The following FAM186A variants were observed in gnomAD, a reference collection of about 807,000 sequenced individuals.
The protein encoded by FAM186A is family with sequence similarity 186 member A.
Under a neutral mutation model 216.8 loss-of-function variants are expected in FAM186A, and 163 were observed. The observed-to-expected ratio is 0.75, with a 90% CI of 0.66 to 0.86. The LOEUF (loss-of-function observed/expected upper bound fraction) is 0.86, where lower values mean the gene tolerates loss of function less well. FAM186A is among the 40% of genes least tolerant of loss of function. The probability of loss-of-function intolerance (pLI) is 0.00; values close to 1 mark genes in which losing one functional copy is unlikely to be tolerated. For missense variants in FAM186A, 2,184 were observed against 2,746.2 expected (o/e 0.80, Z 4.58); for synonymous variants, 805 against 1,025.3 (o/e 0.79, Z 4.10).
At chr12:50,328,809 C>T (rs574133553) in intron 7 of FAM186A, among the ~76,000 whole-genome samples, 66 of 152,222 alleles carry the variant, frequency 4.3e-4, no homozygotes, top group Non-Finnish European at 8.7e-4. Flanking sequence ...CTCCTGGCCT[C>T]GAAGTAGGTT....
At chr12:50,389,494 C>T (rs1406756050) in intron 1 of FAM186A, among the ~76,000 whole-genome samples, 1 of 152,108 alleles carries the variant, frequency 6.6e-6, no homozygotes, top group African/African-American at 2.4e-5. Flanking sequence ...GAGCAAAACT[C>T]CATCTCAAAA....
rs549669714 is a variant in FAM186A at position 50,392,650 on chromosome 12, G to A, written c.192+3643C>T. 486 of 149,910 alleles carry A rather than the reference G, an allele frequency of 3.2e-3. 2 individuals carry two copies. The highest frequency in any genetic ancestry group is 5.3e-3 in the Non-Finnish European group (360 of 67,822). 9.3% of individuals were successfully genotyped at this position (149,910 alleles called of 1,614,324 possible). A position where few individuals can be genotyped will look rare whatever the true frequency, so the allele number is the denominator to read the frequency against. The stretch of plus-strand genomic sequence containing the variant: ...AGTCTCGCTCTATTCCCAGGCTGGA[G>A]TGCAATGGCGCTGTCTTGACTCACT... On this transcript the variant is annotated intron_variant, in intron 1 of 7. Coordinates refer to ENST00000327337, the MANE Select transcript of FAM186A (RefSeq NM_001145475.3).
intron 2 of FAM186A, 77 bp from the exon 3 acceptor site, chr12:50,361,003 G>A (rs1943029277): frequency 8.9e-7 from 1 of 1,120,342 alleles, no homozygotes; most frequent in Non-Finnish European, 1.2e-6. Flanking sequence ...ATAATATTGG[G>A]TAACTACTCA....
At chr12:50,364,207 G>GA (rs376958198) in intron 1 of FAM186A, among the ~76,000 whole-genome samples, 1,699 of 149,408 alleles carry the variant, frequency 0.011, 29 homozygotes, top group African/African-American at 0.038. Context: ...ATTCATGTAG[G>GA]AAAAAAAAAA....
Position 50,354,689 on chromosome 12 carries a change from T to A in FAM186A, c.2143A>T (p.Lys715Ter). 2 of 1,549,176 alleles carry A rather than the reference T, an allele frequency of 1.3e-6. No homozygotes were observed. Among genetic ancestry groups the A allele is most frequent in the Non-Finnish European group, 1.7e-6 (2 of 1,146,574 alleles). Residue 715 changes from lysine (K) to a stop codon, truncating the protein, a stop_gained, in exon 4 of 8, where the codon AAG becomes TAG. Coordinates refer to ENST00000327337, the MANE Select transcript of FAM186A (RefSeq NM_001145475.3). LOFTEE classifies it high-confidence loss of function. ...TGGAAATATTCCTCCATTTTTGCCT[T>A]TATGATTCCTAATTTTTCAGCTTCT... ...RAEAEKLGII[K>*]AKMEEYFQKV...
rs188636861 is a variant in FAM186A, at chr12:50,372,231, A to G, written c.193-8867T>C. On this transcript the variant is annotated intron_variant, in intron 1 of 7. Coordinates refer to ENST00000327337, the MANE Select transcript of FAM186A (RefSeq NM_001145475.3). ...CTAACTTAAGTCAAGAACACAGGAG[A>G]CGGGAGACAAAGTTGGCCAAGCCAA... 3.5e-3 allele frequency among the ~76,000 whole-genome samples: 532 copies of G among 152,284 alleles called. 7 individuals carry two copies. Among genetic ancestry groups the G allele is most frequent in the Admixed American group, 0.032 (494 of 15,276 alleles).
Position 50,350,430 on chromosome 12 carries a change from T to C in FAM186A, c.6402A>G (p.Thr2134=), listed in dbSNP as rs1942863648. Residue 2134 remains threonine (T), a synonymous_variant, in exon 4 of 8, where the codon ACA becomes ACG. Transcript: ENST00000327337. ...KTCGLPSQLH[T]MARTLIIEIL... ...TCTCAATTATGAGAGTCCTAGCCAT[T>C]GTGTGTAGCTGTGAAGGGAGTCCAC... The C allele has an allele frequency of 6.4e-7, 1 of 1,551,438 alleles. No homozygotes were observed.
rs577439690 is a variant in FAM186A at position 50,390,658 on chromosome 12, G to A, written c.192+5635C>T. The stretch of plus-strand genomic sequence containing the variant: ...GGGTGCCACTACTGGGTCCCAGTTA[G>A]GTTTACAAATTCAGTGACTACAGTT... On this transcript the variant is annotated intron_variant, in intron 1 of 7. Coordinates refer to ENST00000327337, the MANE Select transcript of FAM186A (RefSeq NM_001145475.3). Among the ~76,000 whole-genome samples the A allele has an allele frequency of 1.2e-4, 19 of 152,208 alleles. No individual in the cohort carries two copies. The East Asian group carries it at 3.7e-3, about 29-fold the overall frequency.
Position 50,350,701 on chromosome 12 carries a change from G to T in FAM186A, c.6131C>A (p.Thr2044Lys), listed in dbSNP as rs375981318. ...AGTAGTGAGAGAAGATGGTGATGTT[G>T]TTGGCTTCATGAGAGTGAGAAGGGC... is the stretch of plus-strand genomic sequence containing the variant. The part of the protein sequence containing the change: ...ERALLTLMKP[T>K]TSPSSLTTLL... Residue 2044 changes from threonine (T) to lysine (K), a missense_variant, in exon 4 of 8, where the codon ACA (threonine) becomes AAA (lysine). Transcript: ENST00000327337. 2.6e-6 allele frequency: 4 copies of T among 1,551,548 alleles called. No homozygotes were observed. Among genetic ancestry groups the T allele is most frequent in the Non-Finnish European group, 3.5e-6 (4 of 1,146,984 alleles).
At position 50,378,589 on chromosome 12, in the gene FAM186A, G is replaced by GTATA. The variant is rs375076195; in HGVS notation, c.193-15229_193-15226dup. Among the ~76,000 whole-genome samples, 248 of 39,262 alleles carry GTATA rather than the reference G, an allele frequency of 6.3e-3. 2 individuals are homozygous for GTATA. Among genetic ancestry groups the GTATA allele is most frequent in the African/African-American group, 9.3e-3 (228 of 24,438 alleles). The allele number at this position is 39,262 out of a possible 152,430, so 25.8% of individuals were successfully genotyped here. ...ATATATATATACACATATGTAAATTGTATATATATATATACACATATGTAA... is the reference window on the plus strand; with the variant it reads ...ATATATATATACACATATGTAAATTGTATATATATATATATATACACATATGTAA... On this transcript the variant is annotated intron_variant, in intron 1 of 7. Transcript: ENST00000327337.
At chr12:50,381,963 A>C (rs1943257324) in intron 1 of FAM186A, among the ~76,000 whole-genome samples, 1 of 152,110 alleles carries the variant, frequency 6.6e-6, no homozygotes, top group Non-Finnish European at 1.5e-5. Flanking sequence ...CATCCAGGTC[A>C]AAGGGCACCA....
Position 50,353,709 on chromosome 12 carries a change from A to G in FAM186A, c.3123T>C (p.Asp1041=). Residue 1041 remains aspartate, a synonymous_variant, in exon 4 of 8, where the codon GAT becomes GAC. Coordinates refer to ENST00000327337, the MANE Select transcript of FAM186A (RefSeq NM_001145475.3). The part of the protein sequence containing the change: ...RNLKTLENLP[D]EKEPISITPP... ...GTGTGATTGATATGGGCTCCTTTTC[A>G]TCAGGAAGGTTCTCTAATGTCTTCA... The G allele has an allele frequency of 6.5e-7, 1 of 1,542,364 alleles. No homozygotes were observed. The highest frequency in any genetic ancestry group is 1.2e-5 in the South Asian group (1 of 82,254).
rs1327631574 is a variant in FAM186A, at chr12:50,360,760, T to A, written c.579A>T (p.Lys193Asn). ...FLDEKKKQKK[K>N]ILSRGTLWKS... ...AAAATCATAAAGCACCCTTACATAT[T>A]TTTTTCTTTTGTTTCTTCTTTTCGT... is the stretch of plus-strand genomic sequence containing the variant. The change falls in exon 3 of 8, where the codon AAA becomes AAT. Residue 193 changes from lysine (K) to asparagine (N), a missense_variant. Lys to Asn is a moderately conservative substitution (Grantham distance 94). Coordinates refer to ENST00000327337, the MANE Select transcript of FAM186A (RefSeq NM_001145475.3). The A allele has an allele frequency of 2.6e-6, 4 of 1,533,084 alleles. No homozygotes were observed. In the South Asian group the frequency reaches 5.0e-5, roughly 19 times the overall value. 95.0% of individuals were successfully genotyped at this position (1,533,084 alleles called of 1,614,324 possible). A position where few individuals can be genotyped will look rare whatever the true frequency, so the allele number is the denominator to read the frequency against.
At position 50,396,277 on chromosome 12, in the gene FAM186A, C is replaced by T; in HGVS notation, c.192+16G>A. ...AAAGAAAATTGCAGTCTGTAAACTTCAGATTCACTACCTACCTCTCTGGCT... is the reference window on the plus strand; with the variant it reads ...AAAGAAAATTGCAGTCTGTAAACTTTAGATTCACTACCTACCTCTCTGGCT... On this transcript the variant is annotated intron_variant, in intron 1 of 7. Coordinates refer to ENST00000327337, the MANE Select transcript of FAM186A (RefSeq NM_001145475.3). 1.3e-6 allele frequency: 2 copies of T among 1,490,726 alleles called. No individual in the cohort carries two copies. The highest frequency in any genetic ancestry group is 1.4e-5 in the African/African-American group (1 of 70,698). The allele number at this position is 1,490,726 out of a possible 1,614,324, so 92.3% of individuals were successfully genotyped here.
At chr12:50,329,833 C>T (rs986475608) in intron 7 of FAM186A, among the ~76,000 whole-genome samples, 9 of 152,000 alleles carry the variant, frequency 5.9e-5, no homozygotes, top group African/African-American at 2.2e-4. Context: ...TGACCTCAGG[C>T]GATCCACCCG....
chr12:50,389,755 G>A (rs1208210097), intron 1 of FAM186A, among the ~76,000 whole-genome samples: 1 of 152,134 alleles, frequency 6.6e-6, no homozygotes, highest in Non-Finnish European at 1.5e-5. Flanking sequence ...AGCTGTGACT[G>A]GACTTAGTAC....
At chr12:50,386,933 C>A (rs971903386) in intron 1 of FAM186A, among the ~76,000 whole-genome samples, 1 of 151,094 alleles carries the variant, frequency 6.6e-6, no homozygotes, top group African/African-American at 2.4e-5. Context: ...TTGGAAAAAA[C>A]TTTCAGTTTT....
At chr12:50,361,598 T>C (rs554489131) in intron 2 of FAM186A, among the ~76,000 whole-genome samples, 9 of 148,970 alleles carry the variant, frequency 6.0e-5, no homozygotes, top group Non-Finnish European at 1.2e-4. Flanking sequence ...TAAGAACGAG[T>C]CTGGCTCTGT....
rs766244272 is a variant in FAM186A at position 50,356,132 on chromosome 12, C to A, written c.700G>T (p.Val234Phe). 2 of 1,551,496 alleles carry A rather than the reference C, an allele frequency of 1.3e-6. No homozygotes were observed. The highest frequency in any genetic ancestry group is 1.2e-5 in the South Asian group (1 of 84,056). The change falls in exon 4 of 8, where the codon GTT (valine) becomes TTT (phenylalanine). Residue 234 changes from valine to phenylalanine, a missense_variant. Transcript: ENST00000327337. ...TGTAGCATACCTTGGATTTCTGAAA[C>A]CTTTGTATTTGTTGCAAGTTGATCA... ...ISDQLATNTKVSEIQGMLQEL... is the reference protein window; with the variant it reads ...ISDQLATNTKFSEIQGMLQEL...
Sources: allele counts gnomAD v4.1 joint callset (sites outside exome capture counted in the v4.1 genomes callset), GRCh38; gene constraint gnomAD v4.1.1; transcripts MANE v1.5; gene names NCBI Gene and HGNC (gene_info 2026-07-23, HGNC 2026-07-21).